The following E2F3 variants were observed in gnomAD, a reference collection of about 807,000 sequenced individuals.
E2F3 encodes E2F transcription factor 3, also known as transcription factor E2F3.
E2F3 carries 11 observed loss-of-function variants against 44.4 expected under a neutral mutation model. The ratio of observed to expected loss-of-function variants is 0.25; its 90% CI spans 0.16 to 0.41. E2F3 has a LOEUF of 0.41. E2F3 is among the 10% of genes least tolerant of loss of function. E2F3 has a pLI of 1.00. For missense variants in E2F3, 487 were observed against 583.6 expected (o/e 0.83, Z 1.70); for synonymous variants, 249 against 253.0 (o/e 0.98, Z 0.15).
Position 20,402,530 on chromosome 6 carries a change from T to C in E2F3, c.298T>C (p.Tyr100His), listed in dbSNP as rs1256793757. Reference sequence around the variant, plus strand: ...GGAGCAGACCGCCGGCAGCCTCCTCTACACCACGCCGCACGGACCCTCCAG... The same window carrying C: ...GGAGCAGACCGCCGGCAGCCTCCTCCACACCACGCCGCACGGACCCTCCAG... ...GAEQTAGSLL[Y>H]TTPHGPSSRA... The change falls in exon 1 of 7, where the codon TAC becomes CAC. Residue 100 changes from tyrosine to histidine, a missense_variant. Transcript: ENST00000346618. This position sits in a 1 kb window ranked among gnomAD's most constrained non-coding sequence, Gnocchi z 5.6. The C allele has an allele frequency of 2.5e-6, 4 of 1,596,318 alleles. No homozygotes were observed. The highest frequency in any genetic ancestry group is 2.7e-5 in the African/African-American group (2 of 74,046).
At chr6:20,439,467 G>A (rs1034679618) in intron 1 of E2F3, among the ~76,000 whole-genome samples, 1 of 152,108 alleles carries the variant, frequency 6.6e-6, no homozygotes, top group African/African-American at 2.4e-5. Flanking sequence ...TTTTAATACT[G>A]TAAGTCTTTC....
intron 1 of E2F3, chr6:20,403,863 G>T: frequency 7.4e-7 from 1 of 1,345,084 alleles, no homozygotes; most frequent in African/African-American, 1.5e-5. Flanking sequence ...GGGGGCCGCC[G>T]ACGCCGCGGG....
chr6:20,458,050 G>A (rs573308886), intron 1 of E2F3, among the ~76,000 whole-genome samples: 2 of 151,992 alleles, frequency 1.3e-5, no homozygotes, highest in Non-Finnish European at 2.9e-5. Flanking sequence ...GTATTCATTA[G>A]CAATCACTGC....
At chr6:20,428,412 G>T (rs1167979673) in intron 1 of E2F3, among the ~76,000 whole-genome samples, 1 of 151,962 alleles carries the variant, frequency 6.6e-6, no homozygotes, top group Non-Finnish European at 1.5e-5. Flanking sequence ...TAGTAGAGAC[G>T]GGATTTCACC....
chr6:20,479,863 G>C lies in E2F3; in HGVS notation c.411G>C (p.Glu137Asp). ...GGGPPAKRRL[E>D]LGESGHQYLS... The stretch of plus-strand genomic sequence containing the variant: ...TATTACAGGCAAAGCGAAGGCTGGA[G>C]CTAGGAGAAAGCGGTCATCAGTACC... Residue 137 changes from glutamate (E) to aspartate (D), a missense_variant, in exon 2 of 7, where the codon GAG (glutamate) becomes GAC (aspartate). This residue lies in a region of E2F3 where 238 missense variants were observed against 236.0 expected (regional missense o/e 1.01). Transcript: ENST00000346618. 1 of 1,612,092 alleles carries C rather than the reference G, an allele frequency of 6.2e-7. No individual in the cohort carries two copies. The highest frequency in any genetic ancestry group is 8.5e-7 in the Non-Finnish European group (1 of 1,179,076).
chr6:20,429,311 A>G (rs553817306), intron 1 of E2F3, among the ~76,000 whole-genome samples: 1 of 152,316 alleles, frequency 6.6e-6, no homozygotes, highest in South Asian at 2.1e-4. Context: ...CCTAAGGTCC[A>G]AAAATATTAC....
chr6:20,416,274 C>T lies in E2F3; in HGVS notation c.393+13649C>T, dbSNP rs543440719. Among the ~76,000 whole-genome samples, 5 of 152,320 alleles carry T rather than the reference C, an allele frequency of 3.3e-5. No individual in the cohort carries two copies. In the South Asian group the frequency reaches 1.0e-3, roughly 32 times the overall value. ...GGTGCTTCTGCAGCTATTTTCCTTG[C>T]TCACCTATACCCACGCTGGCCCCAG... is the stretch of plus-strand genomic sequence containing the variant. On this transcript the variant is annotated intron_variant, in intron 1 of 6. Transcript: ENST00000346618.
chr6:20,423,365 C>T (rs917045691), intron 1 of E2F3, among the ~76,000 whole-genome samples: 2 of 150,450 alleles, frequency 1.3e-5, no homozygotes, highest in East Asian at 3.9e-4. Context: ...AACATAGCAA[C>T]AGTATAGTAA....
intron 1 of E2F3, among the ~76,000 whole-genome samples, chr6:20,440,777 T>C (rs1308506783): frequency 6.6e-6 from 1 of 152,238 alleles, no homozygotes; most frequent in African/African-American, 2.4e-5. Flanking sequence ...AGCCTCCTGC[T>C]GTAACTCTGG....
intron 1 of E2F3, among the ~76,000 whole-genome samples, chr6:20,412,003 G>A (rs1759690412): frequency 6.6e-6 from 1 of 152,144 alleles, no homozygotes. Flanking sequence ...CATGTGCTTG[G>A]TACCCCATTA....
intron 1 of E2F3, among the ~76,000 whole-genome samples, chr6:20,468,101 G>A (rs1761773227): frequency 6.6e-6 from 1 of 152,194 alleles, no homozygotes; most frequent in Non-Finnish European, 1.5e-5. Context: ...AGATGTGTGG[G>A]GGGTTTCCCC....
intron 1 of E2F3, chr6:20,452,229 A>G (rs1761154646): frequency 6.6e-6 from 1 of 152,144 alleles, no homozygotes; most frequent in Admixed American, 6.6e-5. Flanking sequence ...ATTCAATTTC[A>G]GAGTTCATTA....
At chr6:20,457,350 T>TTC (rs1385456754) in intron 1 of E2F3, among the ~76,000 whole-genome samples, 3 of 143,604 alleles carry the variant, frequency 2.1e-5, no homozygotes, top group Non-Finnish European at 4.6e-5. Flanking sequence ...TATTTTTTCT[T>TTC]TTTTTTTTTT....
Position 20,491,041 on chromosome 6 carries a change from A to T in E2F3, c.*611A>T, listed in dbSNP as rs1362510127. On this transcript the variant is annotated 3_prime_UTR_variant, in exon 7 of 7. Coordinates refer to ENST00000346618, the MANE Select transcript of E2F3 (RefSeq NM_001949.5). ...AGTAGGAGGTCAAGAAAACCTCCAC[A>T]GCCTTCTGGATGAAGAACCTGTTTT... 4.4e-6 allele frequency: 1 copy of T among 229,042 alleles called. No homozygotes were observed. Among genetic ancestry groups the T allele is most frequent in the East Asian group, 6.2e-5 (1 of 16,122 alleles). 14.2% of individuals were successfully genotyped at this position (229,042 alleles called of 1,614,324 possible). A position where few individuals can be genotyped will look rare whatever the true frequency, so the allele number is the denominator to read the frequency against.
At chr6:20,403,715 C>A in intron 1 of E2F3, 1 of 1,048,662 alleles carries the variant, frequency 9.5e-7, no homozygotes, top group African/African-American at 1.7e-5. Context: ...ACCCCCCCAC[C>A]GGCGCCCGCC....
chr6:20,419,936 G>A (rs1259555534), intron 1 of E2F3, among the ~76,000 whole-genome samples: 1 of 152,170 alleles, frequency 6.6e-6, no homozygotes, highest in Non-Finnish European at 1.5e-5. Context: ...TGCAGTCTTG[G>A]CTCTCTGCGA....
chr6:20,415,040 G>T (rs1759799433), intron 1 of E2F3, among the ~76,000 whole-genome samples: 1 of 152,176 alleles, frequency 6.6e-6, no homozygotes, highest in African/African-American at 2.4e-5. Context: ...CCCCGTGGTA[G>T]GAACTCTTGA....
intron 6 of E2F3, among the ~76,000 whole-genome samples, chr6:20,488,653 A>AT (rs1762467754): frequency 6.6e-6 from 1 of 152,084 alleles, no homozygotes; most frequent in Non-Finnish European, 1.5e-5. Flanking sequence ...TTTTTGTCTT[A>AT]TTTTCCCCCC....
intron 1 of E2F3, among the ~76,000 whole-genome samples, chr6:20,478,393 C>T (rs1431815630): frequency 6.6e-6 from 1 of 152,198 alleles, no homozygotes; most frequent in Non-Finnish European, 1.5e-5. Flanking sequence ...GAGCTAGTAA[C>T]CAGTGGCTAT....
Sources: allele counts gnomAD v4.1 joint callset (sites outside exome capture counted in the v4.1 genomes callset), GRCh38; gene constraint gnomAD v4.1.1; regional missense constraint gnomAD v4.1.1; non-coding constraint Gnocchi (gnomAD v3.1); transcripts MANE v1.5; gene names NCBI Gene and HGNC (gene_info 2026-07-23, HGNC 2026-07-21).